Variants in MEF2C observed in about 807,000 individuals in gnomAD.
MEF2C encodes the protein myocyte enhancer factor 2C, also known as myocyte-specific enhancer factor 2C.
A neutral mutation model predicts 50.5 loss-of-function variants in MEF2C; 6 were observed. The observed-to-expected ratio is 0.12, with a 90% confidence interval of 0.07 to 0.23. The LOEUF (loss-of-function observed/expected upper bound fraction) is 0.23. MEF2C is among the 10% of genes least tolerant of loss of function. MEF2C has a pLI of 1.00. For synonymous variants in MEF2C, 183 were observed against 228.0 expected (o/e 0.80, Z 1.78); for missense variants, 276 against 605.0 (o/e 0.46, Z 5.70).
intron 3 of MEF2C, among the ~76,000 whole-genome samples, chr5:88,769,427 C>A (rs1189330319): frequency 6.6e-6 from 1 of 152,032 alleles, no homozygotes; most frequent in Non-Finnish European, 1.5e-5. Flanking sequence ...ATTCTTCCGC[C>A]AAACCTCTAT....
chr5:88,797,394 C>T (rs1430415980), intron 3 of MEF2C, among the ~76,000 whole-genome samples: 1 of 104,550 alleles, frequency 9.6e-6, no homozygotes, highest in African/African-American at 3.8e-5. Flanking sequence ...CTTCTTGAGT[C>T]TTTTTTTATC....
At chr5:88,804,526 T>A (rs545886436) in intron 3 of MEF2C, 72 bp downstream of exon 3, 4 of 1,304,174 alleles carry the variant, frequency 3.1e-6, no homozygotes, top group Non-Finnish European at 4.4e-6. Flanking sequence ...TGTGTGTATG[T>A]GTGTGTGGCA....
At chr5:88,893,572 C>A (rs1834821834) in intron 1 of MEF2C, among the ~76,000 whole-genome samples, 1 of 151,692 alleles carries the variant, frequency 6.6e-6, no homozygotes, top group African/African-American at 2.4e-5. Flanking sequence ...CTGGATCTTA[C>A]AAAATTATTT....
Position 88,751,054 on chromosome 5 carries a change from A to G in MEF2C, c.589+803T>C, listed in dbSNP as rs1772494759. ...AATAATTTTGTTATATTCAATACGC[A>G]TTGACTTGGTTCCTACTGTTAGTTT... On this transcript the variant is annotated intron_variant, in intron 5 of 10. Coordinates refer to ENST00000504921, the MANE Select transcript of MEF2C (RefSeq NM_002397.5). The G allele has an allele frequency of 3.1e-6, 3 of 977,934 alleles. No homozygotes were observed. In the African/African-American group the frequency reaches 5.2e-5, roughly 17 times the overall value. The allele number at this position is 977,934 out of a possible 1,614,324, so 60.6% of individuals were successfully genotyped here.
At chr5:88,740,027 A>T (rs923772213) in intron 6 of MEF2C, 2 of 985,214 alleles carry the variant, frequency 2.0e-6, no homozygotes, top group African/African-American at 3.5e-5. Flanking sequence ...ATTTTGTGGT[A>T]TATTCTTAGA....
chr5:88,867,894 C>T (rs1827932287), intron 1 of MEF2C, among the ~76,000 whole-genome samples: 1 of 152,178 alleles, frequency 6.6e-6, no homozygotes, highest in African/African-American at 2.4e-5. Context: ...GCCTTCTGGT[C>T]ACTGCAGTCC....
rs1761580501 is a variant in MEF2C at position 88,731,500 on chromosome 5, C to T, written c.810+229G>A. The T allele has an allele frequency of 7.2e-5, 33 of 459,086 alleles. No homozygotes were observed. In the South Asian group the frequency reaches 8.2e-4, roughly 11 times the overall value. The allele number at this position is 459,086 out of a possible 1,614,324, so 28.4% of individuals were successfully genotyped here. A position where few individuals can be genotyped will look rare whatever the true frequency, so the allele number is the denominator to read the frequency against. ...TGTTTTTCTTATCCTAGAACATCAG[C>T]CTAGTGAAGTTCACCAGATATATAT... On this transcript the variant is annotated intron_variant, in intron 7 of 10. Transcript: ENST00000504921.
chr5:88,756,526 C>G (rs1466520667), intron 4 of MEF2C, among the ~76,000 whole-genome samples: 1 of 152,146 alleles, frequency 6.6e-6, no homozygotes, highest in Non-Finnish European at 1.5e-5. Flanking sequence ...AAACACTAGC[C>G]TTTCTATCAG....
chr5:88,735,320 A>G, intron 6 of MEF2C: 1 of 985,338 alleles, frequency 1.0e-6, no homozygotes, highest in Non-Finnish European at 1.2e-6. Flanking sequence ...CCTCTCAACA[A>G]CCTTCTAATA....
chr5:88,753,531 T>TGGGAGGCAGA (rs1773836407), intron 4 of MEF2C, among the ~76,000 whole-genome samples: 1 of 152,108 alleles, frequency 6.6e-6, no homozygotes, highest in African/African-American at 2.4e-5. Context: ...AAGCAGTGGT[T>TGGGAGGCAGA]GGCATGTGCC....
At chr5:88,777,759 G>A (rs190691963) in intron 3 of MEF2C, among the ~76,000 whole-genome samples, 1 of 151,862 alleles carries the variant, frequency 6.6e-6, no homozygotes, top group Non-Finnish European at 1.5e-5. Flanking sequence ...TAGATGGGAA[G>A]GCCCTTCACC....
At chr5:88,799,915 G>C (rs34166834) in intron 3 of MEF2C, among the ~76,000 whole-genome samples, 4,804 of 39,960 alleles carry the variant, frequency 0.12, 89 homozygotes, top group Non-Finnish European at 0.19. Context: ...CACACACACA[G>C]AGAGAGAGAC....
At chr5:88,781,884 A>T (rs1788255928) in intron 3 of MEF2C, among the ~76,000 whole-genome samples, 1 of 152,084 alleles carries the variant, frequency 6.6e-6, no homozygotes, top group African/African-American at 2.4e-5. Context: ...GAGGCAGGAG[A>T]ATTGCTTGAG....
Position 88,882,840 on chromosome 5 carries a change from GC to G in MEF2C, c.-143+114del, listed in dbSNP as rs1283944986. 5.9e-5 allele frequency: 9 copies of G among 152,168 alleles called. No individual in the cohort carries two copies. The East Asian group carries it at 1.4e-3, about 23-fold the overall frequency. The allele number at this position is 152,168 out of a possible 1,614,324, so 9.4% of individuals were successfully genotyped here. Reference sequence around the variant, plus strand: ...GAATGCACAACGAGCCTCAACTTCAGCCTTCAAAAAAGGCACAGGGATAGAT... The same window carrying G: ...GAATGCACAACGAGCCTCAACTTCAGCTTCAAAAAAGGCACAGGGATAGAT... On this transcript the variant is annotated intron_variant, in intron 1 of 10. Coordinates refer to ENST00000504921, the MANE Select transcript of MEF2C (RefSeq NM_002397.5).
At chr5:88,828,727 A>G (rs1406586256) in intron 1 of MEF2C, among the ~76,000 whole-genome samples, 1 of 152,054 alleles carries the variant, frequency 6.6e-6, no homozygotes, top group Non-Finnish European at 1.5e-5. Context: ...GATAAAATGT[A>G]TGAAGCATGC....
chr5:88,833,557 C>T (rs948951439), intron 1 of MEF2C, among the ~76,000 whole-genome samples: 2 of 152,116 alleles, frequency 1.3e-5, no homozygotes, highest in Admixed American at 6.6e-5. Context: ...GGGGTGGAAA[C>T]TCTACGTACT....
intron 1 of MEF2C, among the ~76,000 whole-genome samples, chr5:88,827,653 T>C (rs571934124): frequency 6.6e-6 from 1 of 151,968 alleles, no homozygotes; most frequent in African/African-American, 2.4e-5. Context: ...GAAATGAAAA[T>C]AAGAAAACAA....
intron 5 of MEF2C, among the ~76,000 whole-genome samples, chr5:88,749,675 A>C (rs931653021): frequency 6.6e-6 from 1 of 152,252 alleles, no homozygotes; most frequent in African/African-American, 2.4e-5. Context: ...GTATGTTAAA[A>C]TTTGGCAATG....
intron 3 of MEF2C, among the ~76,000 whole-genome samples, chr5:88,789,882 T>C (rs970056398): frequency 1.3e-5 from 2 of 152,364 alleles, no homozygotes; most frequent in African/African-American, 4.8e-5. Flanking sequence ...ACAGTCCTTT[T>C]AATGACTGAC....
Sources: allele counts gnomAD v4.1 joint callset (sites outside exome capture counted in the v4.1 genomes callset), GRCh38; gene constraint gnomAD v4.1.1; transcripts MANE v1.5; gene names NCBI Gene and HGNC (gene_info 2026-07-23, HGNC 2026-07-21).